Variants in CRISPLD2 observed in about 807,000 individuals in gnomAD.
The protein encoded by CRISPLD2 is cysteine rich secretory protein LCCL domain containing 2.
In CRISPLD2, 47 loss-of-function variants were observed where a neutral mutation model predicts 71.1. The observed-to-expected ratio is 0.66, with a 90% CI of 0.52 to 0.84. The LOEUF (loss-of-function observed/expected upper bound fraction) is 0.84. Among genes scored for constraint, CRISPLD2 ranks in the 40% least tolerant of loss-of-function variants. The pLI, the probability that CRISPLD2 is intolerant of heterozygous loss-of-function variation, is 0.00. For synonymous variants in CRISPLD2, 317 were observed against 250.1 expected, an observed-to-expected ratio of 1.27 and a Z score of -2.52; for missense variants, 830 against 651.1, an observed-to-expected ratio of 1.27 and a Z score of -2.99.
intron 14 of CRISPLD2, among the ~76,000 whole-genome samples, chr16:84,905,954 C>G (rs923267279): frequency 6.6e-6 from 1 of 152,012 alleles, no homozygotes; most frequent in Non-Finnish European, 1.5e-5. Context: ...AGGTGGTCCA[C>G]CCGCCTCACT....
intron 1 of CRISPLD2, among the ~76,000 whole-genome samples, chr16:84,821,206 G>T (rs912915467): frequency 6.6e-6 from 1 of 152,196 alleles, no homozygotes. Context: ...ATGTCTGACA[G>T]TGAGGAGAGC....
At chr16:84,840,278 G>A (rs558159132) in intron 2 of CRISPLD2, among the ~76,000 whole-genome samples, 49 of 152,282 alleles carry the variant, frequency 3.2e-4, no homozygotes, top group Middle Eastern at 6.8e-3. Flanking sequence ...TGGCTATTAC[G>A]TGCCACGTGA....
chr16:84,892,451 A>G (rs987264741), intron 14 of CRISPLD2, among the ~76,000 whole-genome samples: 4 of 152,154 alleles, frequency 2.6e-5, no homozygotes, highest in Non-Finnish European at 4.4e-5. Flanking sequence ...TGGAAATAAC[A>G]GCTCAATAGT....
chr16:84,852,615 GT>G (rs975667190), intron 5 of CRISPLD2, among the ~76,000 whole-genome samples: 6 of 152,164 alleles, frequency 3.9e-5, no homozygotes, highest in Non-Finnish European at 8.8e-5. Flanking sequence ...GCAGGACACT[GT>G]CCCAGGCACC....
At chr16:84,839,207 C>A (rs1344388325) in intron 2 of CRISPLD2, 1 of 331,542 alleles carries the variant, frequency 3.0e-6, no homozygotes, top group Admixed American at 4.3e-5. Flanking sequence ...TCTTAACATT[C>A]TGCCAAAACA....
intron 2 of CRISPLD2, among the ~76,000 whole-genome samples, chr16:84,841,401 C>T (rs1229142090): frequency 1.3e-5 from 2 of 152,068 alleles, no homozygotes; most frequent in Non-Finnish European, 2.9e-5. Context: ...GGCCATGGCT[C>T]ATTTCTGAGG....
At chr16:84,855,396 GAAC>G (rs1917210432) in intron 6 of CRISPLD2, among the ~76,000 whole-genome samples, 1 of 152,206 alleles carries the variant, frequency 6.6e-6, no homozygotes, top group African/African-American at 2.4e-5. Context: ...TCTGGAGGTG[GAAC>G]AACTTCAAGC....
chr16:84,836,211 C>G (rs1481177597), intron 1 of CRISPLD2: 2 of 152,204 alleles, frequency 1.3e-5, no homozygotes, highest in East Asian at 3.8e-4. Context: ...TCATTATGTA[C>G]ATGCAAATCA....
chr16:84,853,738 G>A (rs1285605586), intron 5 of CRISPLD2, among the ~76,000 whole-genome samples: 2 of 152,254 alleles, frequency 1.3e-5, no homozygotes, highest in Non-Finnish European at 2.9e-5. Context: ...AACGCTCAGA[G>A]CACAGCCTTC....
chr16:84,868,808 C>G, intron 7 of CRISPLD2, 43 bp from the exon 8 acceptor site: 2 of 1,542,474 alleles, frequency 1.3e-6, no homozygotes, highest in Admixed American at 1.7e-5. Flanking sequence ...TCTCACCCTC[C>G]TGGTTTCGTG....
At chr16:84,853,084 T>C (rs1040797871) in intron 5 of CRISPLD2, among the ~76,000 whole-genome samples, 5 of 152,088 alleles carry the variant, frequency 3.3e-5, no homozygotes, top group African/African-American at 4.8e-5. Flanking sequence ...AAGGAGATTA[T>C]TTGTCTGCAG....
At chr16:84,904,670 CA>C (rs1386755993) in intron 14 of CRISPLD2, among the ~76,000 whole-genome samples, 1 of 151,582 alleles carries the variant, frequency 6.6e-6, no homozygotes. Context: ...CACTTCCAGT[CA>C]ATTGATTTTG....
intron 6 of CRISPLD2, among the ~76,000 whole-genome samples, chr16:84,858,382 C>T (rs988811903): frequency 2.0e-5 from 3 of 152,202 alleles, no homozygotes; most frequent in Non-Finnish European, 4.4e-5. Flanking sequence ...GCCCACTAGG[C>T]GTTGTGCCTC....
In CRISPLD2 at chr16:84,906,774, T is replaced by C. The variant is rs1281259176; in HGVS notation, c.*132T>C. On this transcript the variant is annotated 3_prime_UTR_variant, in exon 15 of 15. Coordinates refer to ENST00000262424, the MANE Select transcript of CRISPLD2 (RefSeq NM_031476.4). ...TGACTGATGTTCAGTGTCCATCACT[T>C]TGTGGCCTGTGGGTGAGGTGACATC... 1.9e-6 allele frequency: 2 copies of C among 1,047,480 alleles called. No homozygotes were observed. The highest frequency in any genetic ancestry group is 2.9e-6 in the Non-Finnish European group (2 of 679,716). 64.9% of individuals were successfully genotyped at this position (1,047,480 alleles called of 1,614,324 possible). A position where few individuals can be genotyped will look rare whatever the true frequency, so the allele number is the denominator to read the frequency against.
intron 11 of CRISPLD2, among the ~76,000 whole-genome samples, chr16:84,875,413 A>ATTTTTTTTT (rs2071509254): frequency 9.2e-6 from 1 of 108,556 alleles, no homozygotes; most frequent in African/African-American, 4.9e-5. Flanking sequence ...TTATGCATGG[A>ATTTTTTTTT]CTTTTTTTTT....
intron 14 of CRISPLD2, among the ~76,000 whole-genome samples, chr16:84,890,656 C>G (rs910918790): frequency 1.3e-5 from 2 of 151,834 alleles, no homozygotes; most frequent in African/African-American, 4.8e-5. Context: ...AATCCCAGCA[C>G]TGTGGGAAGC....
At chr16:84,891,113 G>A (rs1269907965) in intron 14 of CRISPLD2, among the ~76,000 whole-genome samples, 1 of 152,180 alleles carries the variant, frequency 6.6e-6, no homozygotes, top group Non-Finnish European at 1.5e-5. Flanking sequence ...CACATTCTGA[G>A]GTGCACTTGA....
intron 6 of CRISPLD2, among the ~76,000 whole-genome samples, chr16:84,860,818 G>T (rs533766268): frequency 6.6e-6 from 1 of 152,198 alleles, no homozygotes; most frequent in Non-Finnish European, 1.5e-5. Flanking sequence ...CATGAGAAGA[G>T]CTTGTGTCTG....
At chr16:84,871,442 G>A (rs2071468317) in intron 8 of CRISPLD2, among the ~76,000 whole-genome samples, 1 of 152,144 alleles carries the variant, frequency 6.6e-6, no homozygotes, top group Admixed American at 6.5e-5. Flanking sequence ...GGGAGACTGA[G>A]GTGGGAGGAT....
Sources: gnomAD v4.1 joint callset for allele counts (sites outside exome capture counted in the v4.1 genomes callset) on GRCh38, gnomAD v4.1.1 for gene constraint, MANE v1.5 for transcripts, NCBI Gene and HGNC (gene_info 2026-07-23, HGNC 2026-07-21) for gene names.